The following ACSL6 variants were observed in gnomAD, a reference collection of about 807,000 sequenced individuals.
ACSL6 encodes acyl-CoA synthetase long chain family member 6.
Under a neutral mutation model 98.2 loss-of-function variants are expected in ACSL6, and 47 were observed. That is an observed-to-expected ratio of 0.48 (90% CI 0.38 to 0.61). ACSL6 has a LOEUF of 0.61. Among genes scored for constraint, ACSL6 ranks in the 20% least tolerant of loss-of-function variants. ACSL6 has a pLI of 0.00. For missense variants in ACSL6, 761 were observed against 913.4 expected (o/e 0.83, Z 2.15); for synonymous variants, 362 against 336.9 (o/e 1.07, Z -0.82).
chr5:131,982,775 T>C (rs1292953384), intron 9 of ACSL6: 1 of 152,244 alleles, frequency 6.6e-6, no homozygotes, highest in East Asian at 1.9e-4. Context: ...ACTGACTTCC[T>C]CTGGGAATCC....
intron 1 of ACSL6, among the ~76,000 whole-genome samples, chr5:132,009,967 C>G (rs564947738): frequency 6.6e-6 from 1 of 152,124 alleles, no homozygotes; most frequent in Non-Finnish European, 1.5e-5. Flanking sequence ...GCAAAGGGGT[C>G]CTGGCAGTGG....
intron 1 of ACSL6, among the ~76,000 whole-genome samples, chr5:131,997,981 A>C (rs750422014): frequency 7.2e-5 from 11 of 152,164 alleles, no homozygotes; most frequent in Non-Finnish European, 1.5e-4. Context: ...CCAAGCCACC[A>C]AGCCTTTGAC....
At position 132,011,316 on chromosome 5, in the gene ACSL6, C is replaced by T; in HGVS notation, c.49+189G>A. On this transcript the variant is annotated intron_variant, in intron 1 of 20. Transcript: ENST00000651883. This position sits in a 1 kb window ranked among gnomAD's most constrained non-coding sequence, Gnocchi z 5.4. Reference sequence around the variant, plus strand: ...CCGCAGACCCAGGTGCTCCCCAAACCCGGCCCGGAGCCCGCGAGAACTGGG... The same window carrying T: ...CCGCAGACCCAGGTGCTCCCCAAACTCGGCCCGGAGCCCGCGAGAACTGGG... 1.5e-6 allele frequency: 1 copy of T among 654,958 alleles called. No homozygotes were observed. 40.6% of individuals were successfully genotyped at this position (654,958 alleles called of 1,614,324 possible). A position where few individuals can be genotyped will look rare whatever the true frequency, so the allele number is the denominator to read the frequency against.
At chr5:131,981,070 C>G (rs1360802959) in intron 9 of ACSL6, among the ~76,000 whole-genome samples, 1 of 152,152 alleles carries the variant, frequency 6.6e-6, no homozygotes, top group Non-Finnish European at 1.5e-5. Flanking sequence ...CCAGACTCTT[C>G]TCTTACCCCT....
In ACSL6 at chr5:131,953,901, C is replaced by T. The variant is rs766897984; in HGVS notation, c.*333G>A. The T allele has an allele frequency of 2.3e-5, 5 of 217,172 alleles. No individual in the cohort carries two copies. Among genetic ancestry groups the T allele is most frequent in the Admixed American group, 5.8e-5 (1 of 17,216 alleles). The allele number at this position is 217,172 out of a possible 1,614,324, so 13.5% of individuals were successfully genotyped here. On this transcript the variant is annotated 3_prime_UTR_variant, in exon 21 of 21. Transcript: ENST00000651883. Reference sequence around the variant, plus strand: ...ACAAATAATTAAGTAGAATATATCACTTATGTTTTTCCTTTATGTTTAATA... The same window carrying T: ...ACAAATAATTAAGTAGAATATATCATTTATGTTTTTCCTTTATGTTTAATA...
chr5:131,962,930 C>G (rs1015465279), intron 17 of ACSL6, among the ~76,000 whole-genome samples: 1 of 152,108 alleles, frequency 6.6e-6, no homozygotes, highest in Non-Finnish European at 1.5e-5. Flanking sequence ...GTTAGCCCCC[C>G]ACACAGTCCT....
intron 2 of ACSL6, among the ~76,000 whole-genome samples, chr5:131,992,157 T>A (rs1754559524): frequency 6.6e-6 from 1 of 152,040 alleles, no homozygotes; most frequent in South Asian, 2.1e-4. Context: ...CAGCACCACA[T>A]GCAAATGCAC....
chr5:131,986,916 C>T, intron 7 of ACSL6, 62 bp from the exon 8 acceptor site: 2 of 1,561,276 alleles, frequency 1.3e-6, no homozygotes, highest in South Asian at 1.1e-5. Flanking sequence ...CTTTCTGTCC[C>T]TCTGTCTCTG....
chr5:131,976,050 C>A (rs1393652569), intron 10 of ACSL6: 1 of 985,354 alleles, frequency 1.0e-6, no homozygotes, highest in Non-Finnish European at 1.2e-6. Flanking sequence ...AAAAGATACA[C>A]TCCTTTATGC....
In ACSL6 at chr5:131,976,744, C is replaced by A; in HGVS notation, c.917-23G>T. 2.5e-6 allele frequency: 4 copies of A among 1,611,074 alleles called. No homozygotes were observed. The South Asian group carries it at 4.4e-5, about 18-fold the overall frequency. ...TCCCTATAAAAAGAAAGCAAGAAGT[C>A]AAATTAGTTGGAAACTCAAGGGCCA... On this transcript the variant is annotated intron_variant, in intron 9 of 20. Transcript: ENST00000651883.
chr5:132,001,175 G>A (rs1056657627), intron 1 of ACSL6, among the ~76,000 whole-genome samples: 2 of 152,182 alleles, frequency 1.3e-5, no homozygotes, highest in African/African-American at 4.8e-5. Context: ...CAGCCTCTGG[G>A]GCAGGAAATC....
chr5:131,993,995 T>A (rs766892954), intron 2 of ACSL6, 36 bp downstream of exon 2: 2 of 1,601,542 alleles, frequency 1.2e-6, no homozygotes, highest in Non-Finnish European at 1.7e-6. Context: ...CTCTGCCCCC[T>A]ACTTTCCGCA....
intron 3 of ACSL6, 73 bp downstream of exon 3, chr5:131,990,780 G>A (rs575008565): frequency 7.1e-7 from 1 of 1,400,234 alleles, no homozygotes; most frequent in East Asian, 2.3e-5. Flanking sequence ...TATCATGCTT[G>A]CATACCCACC....
chr5:131,971,740 G>A lies in ACSL6; in HGVS notation c.1339-95C>T, dbSNP rs139372086. ...TCCAAGGTCAACATCCAACAACTGG[G>A]TCCTACCTGGATGCTAGGGCTGGGA... On this transcript the variant is annotated intron_variant, in intron 13 of 20. Coordinates refer to ENST00000651883, the MANE Select transcript of ACSL6 (RefSeq NM_001009185.3). 1.4e-4 allele frequency: 139 copies of A among 1,029,236 alleles called. No homozygotes were observed. The African/African-American group carries it at 2.0e-3, about 15-fold the overall frequency. The allele number at this position is 1,029,236 out of a possible 1,614,324, so 63.8% of individuals were successfully genotyped here.
intron 18 of ACSL6, 78 bp from the exon 19 acceptor site, chr5:131,960,699 C>T (rs1752661628): frequency 1.8e-6 from 2 of 1,103,406 alleles, no homozygotes; most frequent in African/African-American, 3.2e-5. Flanking sequence ...CATTAAAATT[C>T]TCAGACTCCA....
rs149459597 is a variant in ACSL6, at chr5:131,987,510, G to T, written c.831+538C>A. On this transcript the variant is annotated intron_variant, in intron 7 of 20. Coordinates refer to ENST00000651883, the MANE Select transcript of ACSL6 (RefSeq NM_001009185.3). ...GGGCCTAGATCCAGTAGGGCATAGTGGGGGGTCAGCTGCTACTGGGCAGGG... is the reference window on the plus strand; with the variant it reads ...GGGCCTAGATCCAGTAGGGCATAGTTGGGGGTCAGCTGCTACTGGGCAGGG... 4.8e-3 allele frequency among the ~76,000 whole-genome samples: 738 copies of T among 152,262 alleles called. 3 individuals carry two copies. The highest frequency in any genetic ancestry group is 0.017 in the African/African-American group (715 of 41,512).
intron 4 of ACSL6, 21 bp downstream of exon 4, chr5:131,990,079 G>A (rs769729533): frequency 1.9e-6 from 3 of 1,612,156 alleles, no homozygotes; most frequent in Non-Finnish European, 2.5e-6. Context: ...GCCAGGGTGG[G>A]GCCTGTCCTG....
rs150828509 is a variant in ACSL6 at position 131,967,284 on chromosome 5, C to A, written c.1596+656G>T. On this transcript the variant is annotated intron_variant, in intron 16 of 20. Transcript: ENST00000651883. ...ATTGCTTGAGCCCAGGAGTTCGAGG[C>A]TATGGTCTCGAGTTCAGTGGACTAT... Among the ~76,000 whole-genome samples, 568 of 152,196 alleles carry A rather than the reference C, an allele frequency of 3.7e-3. 4 individuals are homozygous for A. The highest frequency in any genetic ancestry group is 0.013 in the African/African-American group (538 of 41,538).
chr5:131,995,987 C>T (rs1262132208), intron 1 of ACSL6, among the ~76,000 whole-genome samples: 1 of 152,236 alleles, frequency 6.6e-6, no homozygotes, highest in African/African-American at 2.4e-5. Context: ...AGGCCTGGTA[C>T]AAGCACTGGG....
Sources: gnomAD v4.1 joint callset for allele counts (sites outside exome capture counted in the v4.1 genomes callset) on GRCh38, gnomAD v4.1.1 for gene constraint, Gnocchi (gnomAD v3.1) non-coding constraint, MANE v1.5 for transcripts, NCBI Gene and HGNC (gene_info 2026-07-23, HGNC 2026-07-21) for gene names.